The following JMJD1C variants were observed in gnomAD, a reference collection of about 807,000 sequenced individuals.
JMJD1C encodes the protein jumonji domain-containing protein 1C.
In JMJD1C, 31 loss-of-function variants were observed where a neutral mutation model predicts 245.3. That is an observed-to-expected ratio of 0.13 (90% confidence interval 0.09 to 0.17). JMJD1C has a LOEUF of 0.17. Ranked by LOEUF, JMJD1C falls within the 10% of genes least tolerant of loss-of-function variation. JMJD1C has a pLI of 1.00. For missense variants in JMJD1C, 2,691 were observed against 3,000.2 expected (o/e 0.90, Z 2.41); for synonymous variants, 1,057 against 1,017.4 (o/e 1.04, Z -0.74).
At chr10:63,500,096 G>C (rs924427949) in intron 1 of JMJD1C, among the ~76,000 whole-genome samples, 2 of 152,196 alleles carry the variant, frequency 1.3e-5, no homozygotes, top group Non-Finnish European at 2.9e-5. Flanking sequence ...TGTAATTCAT[G>C]TGTTATTTAG....
intron 1 of JMJD1C, among the ~76,000 whole-genome samples, chr10:63,393,798 G>A (rs962903300): frequency 2.6e-5 from 4 of 152,040 alleles, no homozygotes; most frequent in Admixed American, 2.6e-4. Flanking sequence ...CATGGGGGAG[G>A]GAAAAGGAAA....
chr10:63,275,288 AGT>A, intron 2 of JMJD1C, among the ~76,000 whole-genome samples: 1 of 152,294 alleles, frequency 6.6e-6, no homozygotes, highest in East Asian at 1.9e-4. Context: ...CAGAGAGCAA[AGT>A]GTTTTGCCAT....
chr10:63,223,710 T>C (rs1310123089), intron 3 of JMJD1C, among the ~76,000 whole-genome samples: 1 of 152,186 alleles, frequency 6.6e-6, no homozygotes, highest in East Asian at 1.9e-4. Context: ...TTATAACTAC[T>C]AGGATATATA....
intron 1 of JMJD1C, among the ~76,000 whole-genome samples, chr10:63,482,651 AAGAG>A (rs3083162): frequency 4.6e-5 from 7 of 151,724 alleles, no homozygotes; most frequent in Admixed American, 1.3e-4. Flanking sequence ...AAAGAAAAAA[AAGAG>A]AGAGAGAGAG....
chr10:63,446,086 G>C (rs937347330), intron 1 of JMJD1C, among the ~76,000 whole-genome samples: 1 of 151,800 alleles, frequency 6.6e-6, no homozygotes, highest in Non-Finnish European at 1.5e-5. Context: ...TGTTGCCCAG[G>C]CTGGTCTTGA....
chr10:63,239,276 G>A (rs1589250742), intron 3 of JMJD1C, among the ~76,000 whole-genome samples: 1 of 152,304 alleles, frequency 6.6e-6, no homozygotes, highest in East Asian at 1.9e-4. Context: ...AGGTGAGGAA[G>A]AAAACTGAAA....
chr10:63,374,908 A>AG (rs143344883), intron 2 of JMJD1C, among the ~76,000 whole-genome samples: 21,414 of 152,108 alleles, frequency 0.14, 3,451 homozygotes, highest in African/African-American at 0.4. Context: ...TAGTTCCAGT[A>AG]GGCTTTGTTG....
Position 63,265,557 on chromosome 10 carries a change from G to T in JMJD1C, c.334-793C>A, listed in dbSNP as rs543992548. Among the ~76,000 whole-genome samples, 139 of 152,214 alleles carry T rather than the reference G, an allele frequency of 9.1e-4. 2 individuals are homozygous for T. The highest frequency in any genetic ancestry group is 1.4e-3 in the Non-Finnish European group (97 of 68,016). On this transcript the variant is annotated intron_variant, in intron 2 of 25. Transcript: ENST00000399262. ...GGATACAATGTATAAATTTCTTTAT[G>T]ACTATCACACTCACTTTCAAAGTAG...
chr10:63,414,025 C>T (rs1230193100), intron 1 of JMJD1C, among the ~76,000 whole-genome samples: 3 of 141,306 alleles, frequency 2.1e-5, no homozygotes, highest in Admixed American at 7.2e-5. Flanking sequence ...CTTGCACTGT[C>T]GACCAGGCTG....
rs533534203 is a variant in JMJD1C, at chr10:63,474,101, T to C, written n.113+47637A>G. 4.8e-5 allele frequency among the ~76,000 whole-genome samples: 7 copies of C among 146,772 alleles called. No homozygotes were observed. In the South Asian group the frequency reaches 1.6e-3, roughly 33 times the overall value. ...ACACTTGGTACACTAAAAAAAATAA[T>C]AATAATAAATAAATAAATAAATAAA... On this transcript the variant is annotated intron_variant and non_coding_transcript_variant, in intron 1 of 3. Coordinates refer to the JMJD1C transcript ENST00000633035.
intron 2 of JMJD1C, among the ~76,000 whole-genome samples, chr10:63,346,038 A>G (rs1170568469): frequency 1.3e-5 from 2 of 152,174 alleles, no homozygotes; most frequent in South Asian, 2.1e-4. Flanking sequence ...CATGCAGCAG[A>G]TATTTTTAAA....
intron 1 of JMJD1C, among the ~76,000 whole-genome samples, chr10:63,430,503 A>T (rs1950683885): frequency 6.6e-6 from 1 of 152,236 alleles, no homozygotes; most frequent in Non-Finnish European, 1.5e-5. Flanking sequence ...CACAGATTAT[A>T]TGATTTCATT....
intron 2 of JMJD1C, among the ~76,000 whole-genome samples, chr10:63,335,302 AATG>A (rs1463110957): frequency 6.6e-6 from 1 of 152,186 alleles, no homozygotes; most frequent in Admixed American, 6.5e-5. Flanking sequence ...CCTGTTTAAA[AATG>A]GTGATAATGT....
intron 2 of JMJD1C, among the ~76,000 whole-genome samples, chr10:63,357,866 C>CACAGAG (rs1491307054): frequency 3.6e-5 from 5 of 137,756 alleles, no homozygotes; most frequent in African/African-American, 1.3e-4. Flanking sequence ...CACACACACA[C>CACAGAG]AGAGACAAAC....
chr10:63,410,881 A>G (rs1564891267), intron 1 of JMJD1C, among the ~76,000 whole-genome samples: 1 of 152,176 alleles, frequency 6.6e-6, no homozygotes, highest in Non-Finnish European at 1.5e-5. Flanking sequence ...CTTAAGCACT[A>G]ATCAACTTTC....
intron 1 of JMJD1C, among the ~76,000 whole-genome samples, chr10:63,463,539 A>T (rs1952949251): frequency 6.6e-6 from 1 of 152,212 alleles, no homozygotes; most frequent in African/African-American, 2.4e-5. Flanking sequence ...TGTTAATGCT[A>T]AACTGTTCCA....
intron 2 of JMJD1C, among the ~76,000 whole-genome samples, chr10:63,305,459 C>CTCTCTCTCTCTCTCTCT (rs1937978126): frequency 6.2e-5 from 7 of 113,084 alleles, no homozygotes; most frequent in African/African-American, 1.4e-4. Flanking sequence ...ACGCTCTGAC[C>CTCTCTCTCTCTCTCTCT]CTCTCTCTCT....
rs1419282048 is a variant in JMJD1C, at chr10:63,207,998, T to C, written c.3671A>G (p.Tyr1224Cys). ...TAAAGTTGGAGGGGAAAGACTACTA[T>C]AGCTGCCTTCCTTTCTTTCCAGGCT... ...HHSLERKEGS[Y>C]SSLSPPTLTP... is the part of the protein sequence containing the mutation. Residue 1224 changes from tyrosine (Y) to cysteine (C), a missense_variant, in exon 10 of 26, where the codon TAT (tyrosine) becomes TGT (cysteine). By Grantham distance (194) the Tyr-to-Cys change is radical. Coordinates refer to ENST00000399262, the MANE Select transcript of JMJD1C (RefSeq NM_032776.3). 23 of 1,614,024 alleles carry C rather than the reference T, an allele frequency of 1.4e-5. No individual in the cohort carries two copies. Among genetic ancestry groups the C allele is most frequent in the East Asian group, 6.7e-5 (3 of 44,886 alleles).
chr10:63,411,696 G>A (rs1369380676), intron 1 of JMJD1C, among the ~76,000 whole-genome samples: 1 of 149,484 alleles, frequency 6.7e-6, no homozygotes, highest in Non-Finnish European at 1.5e-5. Flanking sequence ...TCCAACTCCT[G>A]GGTTCAAGTG....
Sources: gnomAD v4.1 joint callset for allele counts (sites outside exome capture counted in the v4.1 genomes callset) on GRCh38, gnomAD v4.1.1 for gene constraint, MANE v1.5 for transcripts, NCBI Gene and HGNC (gene_info 2026-07-23, HGNC 2026-07-21) for gene names.